Variants in YES1 observed in about 807,000 individuals in gnomAD.
The protein encoded by YES1 is tyrosine-protein kinase Yes.
Under a neutral mutation model 70.4 loss-of-function variants are expected in YES1, and 39 were observed. The observed-to-expected ratio is 0.55, with a 90% CI of 0.43 to 0.72. The LOEUF (loss-of-function observed/expected upper bound fraction) is 0.72. Among genes scored for constraint, YES1 ranks in the 30% least tolerant of loss-of-function variants. The pLI, the probability that YES1 is intolerant of heterozygous loss-of-function variation, is 0.00. For missense variants in YES1, 495 were observed against 644.8 expected (o/e 0.77, Z 2.52); for synonymous variants, 198 against 218.6 (o/e 0.91, Z 0.83).
chr18:745,531 GCA>G (rs2145713633), intron 6 of YES1, among the ~76,000 whole-genome samples, 175 bp downstream of exon 6: 1 of 152,286 alleles, frequency 6.6e-6, no homozygotes, highest in African/African-American at 2.4e-5. Context: ...TATCTGAGTA[GCA>G]CAATGCAAGT....
intron 1 of YES1, among the ~76,000 whole-genome samples, chr18:777,562 T>C (rs779672218): frequency 2.0e-5 from 3 of 152,114 alleles, no homozygotes; most frequent in Non-Finnish European, 4.4e-5. Flanking sequence ...ATCCCAACAC[T>C]TTGGGAGGCT....
At chr18:734,862 A>G (rs2080133662) in intron 10 of YES1, among the ~76,000 whole-genome samples, 1 of 152,156 alleles carries the variant, frequency 6.6e-6, no homozygotes, top group Non-Finnish European at 1.5e-5. Flanking sequence ...TATCTTCCCA[A>G]AGGAAATGAA....
Position 724,604 on chromosome 18 carries a change from T to C in YES1, c.1452A>G (p.Gln484=). 6.2e-7 allele frequency: 1 copy of C among 1,614,148 alleles called. No individual in the cohort carries two copies. Among genetic ancestry groups the C allele is most frequent in the Non-Finnish European group, 8.5e-7 (1 of 1,179,996 alleles). Residue 484 remains glutamine, a synonymous_variant, in exon 12 of 12, where the codon CAA becomes CAG. Coordinates refer to ENST00000314574, the MANE Select transcript of YES1 (RefSeq NM_005433.4). Reference sequence around the variant, plus strand: ...ACGGCATCCTGTATCCTCGCTCCACTTGTTCTAATACTTCACGGTTCACCA... The same window carrying C: ...ACGGCATCCTGTATCCTCGCTCCACCTGTTCTAATACTTCACGGTTCACCA... ...PGMVNREVLE[Q]VERGYRMPCP...
rs1469977691 is a variant in YES1 at position 759,037 on chromosome 18, C to T, written c.-8-2202G>A. On this transcript the variant is annotated intron_variant, in intron 1 of 11. Coordinates refer to ENST00000314574, the MANE Select transcript of YES1 (RefSeq NM_005433.4). ...ATTCTGAAAGACTAAACATTTACAA[C>T]CTCAGCTGTATAATAATAATTTAAA... Among the ~76,000 whole-genome samples, 3 of 152,226 alleles carry T rather than the reference C, an allele frequency of 2.0e-5. No individual in the cohort carries two copies. In the East Asian group the frequency reaches 5.8e-4, roughly 29 times the overall value.
chr18:811,935 G>C (rs566393994), intron 1 of YES1, among the ~76,000 whole-genome samples, 179 bp downstream of exon 1: 237 of 152,246 alleles, frequency 1.6e-3, no homozygotes, highest in African/African-American at 4.4e-3. Context: ...CGCGGGGAAC[G>C]AGACAAGCCC....
intron 8 of YES1, among the ~76,000 whole-genome samples, chr18:742,307 T>G (rs2080224975): frequency 6.6e-6 from 1 of 151,918 alleles, no homozygotes; most frequent in Non-Finnish European, 1.5e-5. Flanking sequence ...TTAAGGAAAA[T>G]GAAGAAACTT....
At chr18:808,377 T>C (rs1187891816) in intron 1 of YES1, among the ~76,000 whole-genome samples, 2 of 152,182 alleles carry the variant, frequency 1.3e-5, no homozygotes, top group African/African-American at 2.4e-5. Flanking sequence ...CTCAGCCTAA[T>C]TGTGGCACTG....
chr18:767,054 T>C (rs1904944552), intron 1 of YES1, among the ~76,000 whole-genome samples: 1 of 68,564 alleles, frequency 1.5e-5, no homozygotes, highest in Admixed American at 1.8e-4. Flanking sequence ...TACATGTTCA[T>C]CTGTAAGTCT....
intron 11 of YES1, among the ~76,000 whole-genome samples, 176 bp downstream of exon 11, chr18:732,658 T>C (rs537427787): frequency 3.0e-4 from 46 of 152,080 alleles, no homozygotes; most frequent in African/African-American, 1.1e-3. Context: ...GACTTACCCG[T>C]CCAATGCCAC....
At chr18:789,191 G>A in intron 1 of YES1, among the ~76,000 whole-genome samples, 1 of 152,026 alleles carries the variant, frequency 6.6e-6, no homozygotes, top group Non-Finnish European at 1.5e-5. Flanking sequence ...TGGTACACAA[G>A]GTATTTTTTC....
Position 748,028 on chromosome 18 carries a change from A to C in YES1, c.372-10T>G. 6.2e-7 allele frequency: 1 copy of C among 1,612,808 alleles called. No homozygotes were observed. The highest frequency in any genetic ancestry group is 8.5e-7 in the Non-Finnish European group (1 of 1,179,080). On this transcript the variant is annotated splice_polypyrimidine_tract_variant and intron_variant, in intron 3 of 11. Coordinates refer to ENST00000314574, the MANE Select transcript of YES1 (RefSeq NM_005433.4). ...CCACCAATCTCCTTCCCTGCAACAC[A>C]TAAAACAGCAATCACCGCAAGGTAG... is the stretch of plus-strand genomic sequence containing the variant.
rs183105894 is a variant in YES1, at chr18:796,491, C to T, written c.-9+15623G>A. On this transcript the variant is annotated intron_variant, in intron 1 of 11. Coordinates refer to ENST00000314574, the MANE Select transcript of YES1 (RefSeq NM_005433.4). ...TTGGCATAGAAACAAACAATTAGGC[C>T]GGGTGCAGTGGCTCACGCTGGTAAT... Among the ~76,000 whole-genome samples, 24 of 152,204 alleles carry T rather than the reference C, an allele frequency of 1.6e-4. No individual in the cohort carries two copies. In the East Asian group the frequency reaches 3.9e-3, roughly 25 times the overall value.
chr18:776,324 G>A (rs1290425227), intron 1 of YES1, among the ~76,000 whole-genome samples: 1 of 152,038 alleles, frequency 6.6e-6, no homozygotes, highest in Non-Finnish European at 1.5e-5. Context: ...CTCCCATGTA[G>A]CTGGGATTAC....
intron 1 of YES1, among the ~76,000 whole-genome samples, chr18:781,723 T>C (rs1319201129): frequency 6.6e-6 from 1 of 152,232 alleles, no homozygotes; most frequent in East Asian, 1.9e-4. Flanking sequence ...GCTACTGTGA[T>C]CCTTGATCAA....
chr18:736,744 A>G (rs1424037423), intron 10 of YES1, 64 bp downstream of exon 10: 6 of 1,559,554 alleles, frequency 3.8e-6, no homozygotes, highest in Non-Finnish European at 5.2e-6. Context: ...AAAACCCTGT[A>G]TAGTCAAGAG....
chr18:809,578 GGTGTGAGCCACCGTGCCCAGCCTGAC>G (rs1211988935), intron 1 of YES1, among the ~76,000 whole-genome samples: 1 of 152,116 alleles, frequency 6.6e-6, no homozygotes, highest in Non-Finnish European at 1.5e-5. Flanking sequence ...TGGGATTACA[GGTGTGAGCCACCGTGCCCAGCCTGAC>G]GTGTTCAAAG....
rs1307680236 is a variant in YES1, at chr18:756,461, GTAAGATA to G, written c.271+89_271+95del. The G allele has an allele frequency of 3.4e-6, 5 of 1,455,450 alleles. No homozygotes were observed. In the African/African-American group the frequency reaches 7.1e-5, roughly 21 times the overall value. The allele number at this position is 1,455,450 out of a possible 1,614,324, so 90.2% of individuals were successfully genotyped here. A position where few individuals can be genotyped will look rare whatever the true frequency, so the allele number is the denominator to read the frequency against. On this transcript the variant is annotated intron_variant, in intron 2 of 11. Coordinates refer to ENST00000314574, the MANE Select transcript of YES1 (RefSeq NM_005433.4). The stretch of plus-strand genomic sequence containing the variant: ...ATACAATTATTTGAAAAGTCCTCAA[GTAAGATA>G]TCTTTCTTAAAGGCAGACAAGCCTT...
intron 1 of YES1, among the ~76,000 whole-genome samples, chr18:773,461 C>T (rs904342983): frequency 6.6e-6 from 1 of 152,120 alleles, no homozygotes; most frequent in African/African-American, 2.4e-5. Context: ...TTGTCACCCC[C>T]TAAAAGAAGG....
chr18:779,737 C>T (rs2145794191), intron 1 of YES1, among the ~76,000 whole-genome samples: 1 of 152,264 alleles, frequency 6.6e-6, no homozygotes, highest in South Asian at 2.1e-4. Flanking sequence ...CACCTTACTT[C>T]CAGTCTTTTG....
Sources: gnomAD v4.1 joint callset for allele counts (sites outside exome capture counted in the v4.1 genomes callset) on GRCh38, gnomAD v4.1.1 for gene constraint, MANE v1.5 for transcripts, NCBI Gene and HGNC (gene_info 2026-07-23, HGNC 2026-07-21) for gene names.